Variants in MGAT5B observed in about 807,000 individuals in gnomAD.
MGAT5B encodes alpha-1,6-mannosylglycoprotein 6-beta-N-acetylglucosaminyltransferase B, also known as N-acetylglucosaminyl-transferase Vb.
Under a neutral mutation model 95.1 loss-of-function variants are expected in MGAT5B, and 54 were observed. The ratio of observed to expected loss-of-function variants is 0.57; its 90% CI spans 0.46 to 0.71. The LOEUF is 0.71. Among genes scored for constraint, MGAT5B ranks in the 30% least tolerant of loss-of-function variants. The probability of loss-of-function intolerance (pLI) is 0.00; values close to 1 mark genes in which losing one functional copy is unlikely to be tolerated. For missense variants in MGAT5B, 935 were observed against 1,088.6 expected, an observed-to-expected ratio of 0.86 and a Z score of 1.99; for synonymous variants, 464 against 451.0, an observed-to-expected ratio of 1.03 and a Z score of -0.36.
intron 2 of MGAT5B, among the ~76,000 whole-genome samples, chr17:76,875,653 CTT>C (rs547158669): frequency 1.2e-4 from 8 of 67,096 alleles, no homozygotes; most frequent in South Asian, 6.0e-4. Context: ...GTCACTTGCA[CTT>C]TTTTTTTTTT....
In MGAT5B at chr17:76,887,910, C is replaced by T. The variant is rs187697086; in HGVS notation, c.329+5612C>T. ...GTGTCCAGGTCCCTCCTCTACTCCC[C>T]GCTCCCTCATGGCCCCCCAGCTCAC... On this transcript the variant is annotated intron_variant, in intron 3 of 17. Transcript: ENST00000569840. Among the ~76,000 whole-genome samples the T allele has an allele frequency of 6.3e-3, 950 of 151,998 alleles. 9 individuals carry two copies. The highest frequency in any genetic ancestry group is 0.02 in the African/African-American group (831 of 41,450).
At position 76,895,907 on chromosome 17, in the gene MGAT5B, C is replaced by T. The variant is rs569823849; in HGVS notation, c.330-6648C>T. ...ATCTACAAGGGGTTTTTTTGTCCCC[C>T]GATTTTTAAAGAAATTCAAACATTT... On this transcript the variant is annotated intron_variant, in intron 3 of 17. Coordinates refer to ENST00000569840, the MANE Select transcript of MGAT5B (RefSeq NM_001199172.2). 1.3e-4 allele frequency among the ~76,000 whole-genome samples: 20 copies of T among 152,184 alleles called. No individual in the cohort carries two copies. The East Asian group carries it at 2.7e-3, about 21-fold the overall frequency.
intron 2 of MGAT5B, among the ~76,000 whole-genome samples, chr17:76,878,593 G>A (rs769157897): frequency 2.2e-4 from 34 of 152,142 alleles, no homozygotes; most frequent in Non-Finnish European, 4.7e-4. Context: ...TCCCACCTCA[G>A]CCCTGAAAGT....
intron 8 of MGAT5B, among the ~76,000 whole-genome samples, chr17:76,919,539 C>T (rs1969057840): frequency 6.6e-6 from 1 of 152,232 alleles, no homozygotes; most frequent in African/African-American, 2.4e-5. Flanking sequence ...AAACGATTCT[C>T]CCACCTCAGC....
At chr17:76,898,961 GTCCTGGAGGACTCAGGAC>G (rs745325587) in intron 3 of MGAT5B, among the ~76,000 whole-genome samples, 4 of 152,336 alleles carry the variant, frequency 2.6e-5, no homozygotes, top group Admixed American at 6.5e-5. Flanking sequence ...CCAAGTCCCT[GTCCTGGAGGACTCAGGAC>G]TCCATTCGGG....
In MGAT5B at chr17:76,940,096, A is replaced by G. The variant is rs377354828; in HGVS notation, c.1585-306A>G. Among the ~76,000 whole-genome samples the G allele has an allele frequency of 1.3e-5, 2 of 152,226 alleles. No individual in the cohort carries two copies. Among genetic ancestry groups the G allele is most frequent in the South Asian group, 2.1e-4 (1 of 4,812 alleles). ...CTTGTTCTTTTCTTCCTCCCTCCAC[A>G]ATCATAAATCATAGCCTGATAGAGC... On this transcript the variant is annotated intron_variant, in intron 13 of 17. Transcript: ENST00000569840. This position sits in a 1 kb window ranked among gnomAD's most constrained non-coding sequence, Gnocchi z 4.3.
intron 1 of MGAT5B, among the ~76,000 whole-genome samples, chr17:76,872,235 TACCATC>T (rs1967035782): frequency 6.6e-6 from 1 of 151,936 alleles, no homozygotes; most frequent in African/African-American, 2.4e-5. Context: ...CTGGACATCT[TACCATC>T]TAGTGGTGGA....
At chr17:76,880,579 C>T (rs1220115798) in intron 2 of MGAT5B, among the ~76,000 whole-genome samples, 2 of 152,234 alleles carry the variant, frequency 1.3e-5, no homozygotes, top group Admixed American at 6.5e-5. Flanking sequence ...TGGCCTCTCT[C>T]GTCACCTTCC....
chr17:76,875,098 T>A (rs1967138678), intron 2 of MGAT5B, among the ~76,000 whole-genome samples: 2 of 152,200 alleles, frequency 1.3e-5, no homozygotes, highest in Non-Finnish European at 2.9e-5. Flanking sequence ...TCACAGTCAT[T>A]ACTCACCCAA....
intron 3 of MGAT5B, among the ~76,000 whole-genome samples, chr17:76,894,066 G>A (rs1158251795): frequency 6.6e-6 from 1 of 152,222 alleles, no homozygotes; most frequent in Non-Finnish European, 1.5e-5. Context: ...GCTCCAGCCT[G>A]CTTCCTTTGC....
At chr17:76,877,996 G>A (rs1482365200) in intron 2 of MGAT5B, among the ~76,000 whole-genome samples, 2 of 152,150 alleles carry the variant, frequency 1.3e-5, no homozygotes, top group Admixed American at 6.5e-5. Context: ...TGGAGGGAAC[G>A]TGTGCCTGTT....
Position 76,906,075 on chromosome 17 carries a change from G to A in MGAT5B, c.913G>A (p.Val305Ile), listed in dbSNP as rs1369119496. 1.2e-6 allele frequency: 2 copies of A among 1,609,266 alleles called. No homozygotes were observed. Among genetic ancestry groups the A allele is most frequent in the Non-Finnish European group, 1.7e-6 (2 of 1,177,988 alleles). Residue 305 changes from valine to isoleucine, a missense_variant, in exon 8 of 18, where the codon GTC (valine) becomes ATC (isoleucine). By Grantham distance (29) the Val-to-Ile change is conservative. Around this residue, in one of 4 missense-constraint regions of MGAT5B, gnomAD observed 243 missense variants for 305.5 expected, o/e 0.80. Coordinates refer to ENST00000569840, the MANE Select transcript of MGAT5B (RefSeq NM_001199172.2). This position sits in a 1 kb window ranked among gnomAD's most constrained non-coding sequence, Gnocchi z 4.6. ...EESGDVFSPR[V>I]LKGGPLGEMV... ...GTCCGGGGACGTGTTCAGCCCTCGG[G>A]TCCTGAAGGGCGGGCCCCTAGGGGA...
At chr17:76,939,032 GTGTGTGTGTGTGT>G (rs1567824677) in intron 13 of MGAT5B, among the ~76,000 whole-genome samples, 17 of 50,044 alleles carry the variant, frequency 3.4e-4, no homozygotes, top group African/African-American at 9.5e-4. Context: ...TCTTGGGGGT[GTGTGTGTGTGTGT>G]GTGTGTGTGT....
intron 10 of MGAT5B, among the ~76,000 whole-genome samples, chr17:76,932,049 T>G (rs1478283109): frequency 1.6e-5 from 2 of 121,662 alleles, no homozygotes; most frequent in Non-Finnish European, 3.6e-5. Context: ...CCTCCTCCTC[T>G]TTCTCCTCCT....
intron 3 of MGAT5B, among the ~76,000 whole-genome samples, chr17:76,901,189 G>A (rs1968302732): frequency 6.6e-6 from 1 of 152,168 alleles, no homozygotes; most frequent in East Asian, 1.9e-4. Context: ...TTCCTGCTAT[G>A]CCTTCTCTAG....
At chr17:76,873,471 C>T (rs1432636123) in intron 2 of MGAT5B, among the ~76,000 whole-genome samples, 1 of 152,210 alleles carries the variant, frequency 6.6e-6, no homozygotes, top group Non-Finnish European at 1.5e-5. Flanking sequence ...GGGCTTTGGG[C>T]GTCTGGTGGG....
chr17:76,943,631 G>T (rs539672866), intron 15 of MGAT5B, among the ~76,000 whole-genome samples: 1 of 146,004 alleles, frequency 6.8e-6, no homozygotes, highest in South Asian at 2.3e-4. Context: ...GGTGGGGGGG[G>T]GGTCTCATTT....
Position 76,946,416 on chromosome 17 carries a change from T to C in MGAT5B, c.1889T>C (p.Met630Thr). Residue 630 changes from methionine to threonine, a missense_variant, in exon 16 of 18, where the codon ATG becomes ACG. Coordinates refer to ENST00000569840, the MANE Select transcript of MGAT5B (RefSeq NM_001199172.2). Reference sequence around the variant, plus strand: ...CCCTACGAGTACACCTGCGAGGGGATGCTGGAGCGGATCCACGCCTACATC... The same window carrying C: ...CCCTACGAGTACACCTGCGAGGGGACGCTGGAGCGGATCCACGCCTACATC... ...YLPYEYTCEG[M>T]LERIHAYIQH... 6.2e-7 allele frequency: 1 copy of C among 1,605,794 alleles called. No homozygotes were observed.
Position 76,917,829 on chromosome 17 carries a change from G to A in MGAT5B, c.1026-7137G>A, listed in dbSNP as rs1455327691. Among the ~76,000 whole-genome samples the A allele has an allele frequency of 4.6e-5, 7 of 152,186 alleles. No individual in the cohort carries two copies. Among genetic ancestry groups the A allele is most frequent in the African/African-American group, 1.7e-4 (7 of 41,460 alleles). ...AGGCCCCAGCCCGGAGCAAATAGAGGGACCCTCGGGGTGGCCTGAGCACCA... is the reference window on the plus strand; with the variant it reads ...AGGCCCCAGCCCGGAGCAAATAGAGAGACCCTCGGGGTGGCCTGAGCACCA... On this transcript the variant is annotated intron_variant, in intron 8 of 17. Transcript: ENST00000569840. The surrounding 1 kb of genome is among the most constrained non-coding windows in gnomAD (Gnocchi z 6.1).
Sources: gnomAD v4.1 joint callset for allele counts (sites outside exome capture counted in the v4.1 genomes callset) on GRCh38, gnomAD v4.1.1 for gene constraint, gnomAD v4.1.1 regional missense constraint, Gnocchi (gnomAD v3.1) non-coding constraint, MANE v1.5 for transcripts, NCBI Gene and HGNC (gene_info 2026-07-23, HGNC 2026-07-21) for gene names.